The following TRAF6 variants were observed in gnomAD, a reference collection of about 807,000 sequenced individuals.
TRAF6 encodes TNF receptor associated factor 6.
Under a neutral mutation model 48.4 loss-of-function variants are expected in TRAF6, and 10 were observed. The observed-to-expected ratio is 0.21, with a 90% CI of 0.13 to 0.35. The LOEUF is 0.35. Ranked by LOEUF, TRAF6 falls within the 10% of genes least tolerant of loss-of-function variation. The pLI, the probability that TRAF6 is intolerant of heterozygous loss-of-function variation, is 1.00. For missense variants in TRAF6, 397 were observed against 661.0 expected, an observed-to-expected ratio of 0.60 and a Z score of 4.38; for synonymous variants, 186 against 219.6, an observed-to-expected ratio of 0.85 and a Z score of 1.35.
At chr11:36,503,890 G>A (rs1209433182) in intron 1 of TRAF6, among the ~76,000 whole-genome samples, 2 of 151,950 alleles carry the variant, frequency 1.3e-5, no homozygotes, top group African/African-American at 4.8e-5. Flanking sequence ...CCAAACCACC[G>A]CAATAATCCA....
intron 1 of TRAF6, 57 bp from the exon 2 acceptor site, chr11:36,501,594 A>G: frequency 8.0e-7 from 1 of 1,248,344 alleles, no homozygotes; most frequent in Middle Eastern, 2.8e-4. Context: ...CTCACACCCC[A>G]CACATATATA....
chr11:36,492,956 G>C (rs1859583725), intron 5 of TRAF6, among the ~76,000 whole-genome samples: 1 of 152,156 alleles, frequency 6.6e-6, no homozygotes, highest in African/African-American at 2.4e-5. Context: ...GTGCAAACTG[G>C]ATTAAGACTC....
intron 1 of TRAF6, among the ~76,000 whole-genome samples, 176 bp downstream of exon 1, chr11:36,509,872 G>C (rs974277267): frequency 2.6e-5 from 4 of 151,592 alleles, no homozygotes; most frequent in African/African-American, 9.7e-5. Context: ...GGTAGGGGCG[G>C]CGTCCCTGAC....
Position 36,509,015 on chromosome 11 carries a change from G to A in TRAF6, c.-23+1033C>T, listed in dbSNP as rs541612569. The stretch of plus-strand genomic sequence containing the variant: ...ACCACATGCCGGACTCCTTCCTAGA[G>A]TCACAAAAGAGGCCACATTGTTCCT... On this transcript the variant is annotated intron_variant, in intron 1 of 6. Transcript: ENST00000526995. Among the ~76,000 whole-genome samples the A allele has an allele frequency of 3.9e-5, 6 of 152,304 alleles. No individual in the cohort carries two copies. The South Asian group carries it at 8.3e-4, about 21-fold the overall frequency.
At chr11:36,498,188 C>G (rs1220781501) in intron 3 of TRAF6, among the ~76,000 whole-genome samples, 2 of 151,910 alleles carry the variant, frequency 1.3e-5, no homozygotes, top group Admixed American at 6.6e-5. Context: ...CTGGCCGACA[C>G]CTGTATTTAA....
intron 1 of TRAF6, among the ~76,000 whole-genome samples, chr11:36,505,406 T>C (rs927876975): frequency 6.6e-6 from 1 of 152,236 alleles, no homozygotes; most frequent in East Asian, 1.9e-4. Context: ...TTAAACCTCA[T>C]AAACCAATCT....
rs1014272571 is a variant in TRAF6, at chr11:36,487,770, A to C, written c.*2068T>G. On this transcript the variant is annotated 3_prime_UTR_variant, in exon 7 of 7. Transcript: ENST00000526995. ...TAGAAAAAAATAGTATCACCAAGGC[A>C]GGAAATGACTCCTCTTTGTATCTAA... The C allele has an allele frequency of 6.6e-6, 1 of 152,204 alleles. No homozygotes were observed. Among genetic ancestry groups the C allele is most frequent in the African/African-American group, 2.4e-5 (1 of 41,436 alleles). The allele number at this position is 152,204 out of a possible 1,614,324, so 9.4% of individuals were successfully genotyped here.
intron 1 of TRAF6, 64 bp from the exon 2 acceptor site, chr11:36,501,601 T>C: frequency 5.8e-6 from 7 of 1,205,220 alleles, no homozygotes; most frequent in South Asian, 3.1e-5. Flanking sequence ...CCCACACATA[T>C]ATATCATAGC....
rs1169537198 is a variant in TRAF6, at chr11:36,497,098, T to G, written c.606+10A>C. 3.7e-6 allele frequency: 6 copies of G among 1,610,868 alleles called. No individual in the cohort carries two copies. In the Middle Eastern group the frequency reaches 6.6e-4, roughly 177 times the overall value. Reference sequence around the variant, plus strand: ...AGTAGTGAATTTAACAAATCCAAGTTAGTACATGCCTCTTTATCTTCAAAT... The same window carrying G: ...AGTAGTGAATTTAACAAATCCAAGTGAGTACATGCCTCTTTATCTTCAAAT... On this transcript the variant is annotated intron_variant, in intron 4 of 6. Coordinates refer to ENST00000526995, the MANE Select transcript of TRAF6 (RefSeq NM_004620.4).
chr11:36,502,505 T>G (rs1403654367), intron 1 of TRAF6, among the ~76,000 whole-genome samples: 1 of 152,148 alleles, frequency 6.6e-6, no homozygotes, highest in Admixed American at 6.5e-5. Flanking sequence ...GTGTCAGATA[T>G]CATTCAAGAA....
intron 4 of TRAF6, among the ~76,000 whole-genome samples, chr11:36,495,379 T>C (rs1859616308): frequency 6.6e-6 from 1 of 152,188 alleles, no homozygotes; most frequent in African/African-American, 2.4e-5. Flanking sequence ...CCAAAGGTAA[T>C]CTTACAAAAA....
At chr11:36,493,590 A>T (rs904045228) in intron 5 of TRAF6, among the ~76,000 whole-genome samples, 2 of 152,232 alleles carry the variant, frequency 1.3e-5, no homozygotes, top group African/African-American at 2.4e-5. Flanking sequence ...CAGTTTGCTG[A>T]TCCCAGATCT....
intron 1 of TRAF6, among the ~76,000 whole-genome samples, chr11:36,506,486 C>A (rs1859786401): frequency 6.6e-6 from 1 of 151,940 alleles, no homozygotes; most frequent in Admixed American, 6.6e-5. Context: ...GACATATATC[C>A]AAGTGCTGGC....
rs1051495046 is a variant in TRAF6 at position 36,486,391 on chromosome 11, C to G, written c.*3447G>C. Among the ~76,000 whole-genome samples, 1 of 152,066 alleles carries G rather than the reference C, an allele frequency of 6.6e-6. No individual in the cohort carries two copies. Among genetic ancestry groups the G allele is most frequent in the Admixed American group, 6.5e-5 (1 of 15,272 alleles). ...TAGAACTTGAGGCAAGCCAAGAGAA[C>G]AGTGTTAGTACATACAAGCAATTGT... On this transcript the variant is annotated 3_prime_UTR_variant, in exon 7 of 7. Transcript: ENST00000526995.
intron 2 of TRAF6, among the ~76,000 whole-genome samples, chr11:36,499,232 C>G (rs1359563958): frequency 2.0e-5 from 3 of 152,086 alleles, no homozygotes; most frequent in Non-Finnish European, 4.4e-5. Context: ...CCTCTATGTC[C>G]TGCTTCTCAG....
chr11:36,491,616 C>T (rs1859565189), intron 6 of TRAF6, among the ~76,000 whole-genome samples: 1 of 152,230 alleles, frequency 6.6e-6, no homozygotes. Flanking sequence ...TTTGACACTA[C>T]TGATCATGAA....
rs746574920 is a variant in TRAF6, at chr11:36,484,249, T to C, written c.*5589A>G. Among the ~76,000 whole-genome samples the C allele has an allele frequency of 2.2e-4, 33 of 152,222 alleles. No homozygotes were observed. Among genetic ancestry groups the C allele is most frequent in the Non-Finnish European group, 4.0e-4 (27 of 68,032 alleles). Reference sequence around the variant, plus strand: ...TAATTCCTTTAATCCCTTCCTTCAATACAACCTGCTCTTAAAACTGAACAC... The same window carrying C: ...TAATTCCTTTAATCCCTTCCTTCAACACAACCTGCTCTTAAAACTGAACAC... On this transcript the variant is annotated 3_prime_UTR_variant, in exon 7 of 7. Coordinates refer to ENST00000526995, the MANE Select transcript of TRAF6 (RefSeq NM_004620.4).
rs1231164368 is a variant in TRAF6 at position 36,490,398 on chromosome 11, G to A, written c.1009C>T (p.Leu337Phe). 1.9e-6 allele frequency: 3 copies of A among 1,614,164 alleles called. No individual in the cohort carries two copies. The highest frequency in any genetic ancestry group is 1.1e-5 in the South Asian group (1 of 91,084). ...TCGATTTCAGCAACTTTGTCCTCAA[G>A]GGTTCGAATGGTTCGTTTGAGCTCA... is the stretch of plus-strand genomic sequence containing the variant. Reference protein sequence around the residue: ...VSELKRTIRTLEDKVAEIEAQ... With the variant: ...VSELKRTIRTFEDKVAEIEAQ... Residue 337 changes from leucine (L) to phenylalanine (F), a missense_variant, in exon 7 of 7, where the codon CTT becomes TTT. Leu to Phe is a conservative substitution (Grantham distance 22). Coordinates refer to ENST00000526995, the MANE Select transcript of TRAF6 (RefSeq NM_004620.4). The surrounding 1 kb of genome is among the most constrained non-coding windows in gnomAD (Gnocchi z 6.4).
chr11:36,492,128 T>C (rs1457062618), intron 6 of TRAF6, among the ~76,000 whole-genome samples: 1 of 152,184 alleles, frequency 6.6e-6, no homozygotes, highest in East Asian at 1.9e-4. Context: ...TTGACGGTCA[T>C]CGCCATAATT....
Sources: allele counts gnomAD v4.1 joint callset (sites outside exome capture counted in the v4.1 genomes callset), GRCh38; gene constraint gnomAD v4.1.1; non-coding constraint Gnocchi (gnomAD v3.1); transcripts MANE v1.5; gene names NCBI Gene and HGNC (gene_info 2026-07-23, HGNC 2026-07-21).